Variants in AKIRIN1 observed in about 807,000 individuals in gnomAD.
AKIRIN1 encodes the protein akirin 1.
AKIRIN1 carries 4 observed loss-of-function variants against 25.9 expected under a neutral mutation model. The ratio of observed to expected loss-of-function variants is 0.15; its 90% CI spans 0.08 to 0.35. The LOEUF is 0.35. AKIRIN1 is among the 10% of genes least tolerant of loss of function. AKIRIN1 has a pLI of 1.00. For synonymous variants in AKIRIN1, 125 were observed against 105.1 expected (o/e 1.19, Z -1.16); for missense variants, 243 against 266.1 (o/e 0.91, Z 0.61).
intron 3 of AKIRIN1, 77 bp downstream of exon 3, chr1:39,001,183 AAG>A: frequency 1.3e-6 from 2 of 1,511,500 alleles, no homozygotes; most frequent in Non-Finnish European, 1.8e-6. Context: ...AACTTAGAAA[AAG>A]AGAGTAGGAC....
chr1:39,004,484 T>C lies in AKIRIN1; in HGVS notation c.*429T>C. The C allele has an allele frequency of 3.5e-6, 1 of 289,486 alleles. No homozygotes were observed. The highest frequency in any genetic ancestry group is 6.7e-6 in the Non-Finnish European group (1 of 148,764). The allele number at this position is 289,486 out of a possible 1,614,324, so 17.9% of individuals were successfully genotyped here. A position where few individuals can be genotyped will look rare whatever the true frequency, so the allele number is the denominator to read the frequency against. ...GATCTTGGGGATTCTGGCTGTGAAT[T>C]TGGTGCACGACAATTATGGTAAAAA... On this transcript the variant is annotated 3_prime_UTR_variant, in exon 5 of 5. Transcript: ENST00000432648.
chr1:39,003,282 T>G, intron 3 of AKIRIN1, 65 bp from the exon 4 acceptor site: 2 of 1,491,314 alleles, frequency 1.3e-6, no homozygotes, highest in Non-Finnish European at 1.9e-6. Context: ...TTTGTGATCC[T>G]GACGCTTGAT....
At chr1:39,002,399 A>G (rs949548315) in intron 3 of AKIRIN1, among the ~76,000 whole-genome samples, 2 of 152,180 alleles carry the variant, frequency 1.3e-5, no homozygotes, top group Non-Finnish European at 2.9e-5. Context: ...GAGTTCCTTT[A>G]TAGTAGAACT....
At chr1:39,001,280 G>A (rs192675700) in intron 3 of AKIRIN1, among the ~76,000 whole-genome samples, 174 bp downstream of exon 3, 27 of 145,570 alleles carry the variant, frequency 1.9e-4, no homozygotes, top group Admixed American at 1.6e-3. Context: ...TTATATGGAA[G>A]GACTTTTTTT....
chr1:39,000,354 T>C (rs1352522701), intron 2 of AKIRIN1, among the ~76,000 whole-genome samples: 1 of 150,794 alleles, frequency 6.6e-6, no homozygotes, highest in Non-Finnish European at 1.5e-5. Context: ...TCTTTTTTTT[T>C]TTTTTTTTGA....
intron 1 of AKIRIN1, among the ~76,000 whole-genome samples, chr1:38,995,987 T>C (rs1454916278): frequency 6.6e-6 from 1 of 152,126 alleles, no homozygotes; most frequent in Non-Finnish European, 1.5e-5. Context: ...TGAACTGAGA[T>C]TGTGCTATTG....
At chr1:38,997,590 T>C (rs959130485) in intron 1 of AKIRIN1, among the ~76,000 whole-genome samples, 52 of 152,236 alleles carry the variant, frequency 3.4e-4, no homozygotes, top group African/African-American at 1.2e-3. Flanking sequence ...TCTCCTGGGC[T>C]CAAGGGATCC....
At chr1:38,991,676 G>GT in intron 1 of AKIRIN1, 76 bp downstream of exon 1, 1 of 520,148 alleles carries the variant, frequency 1.9e-6, no homozygotes, top group Non-Finnish European at 2.6e-6. Flanking sequence ...GGGAGGGTTG[G>GT]GAATACCAGG....
At position 38,992,359 on chromosome 1, in the gene AKIRIN1, G is replaced by A. The variant is rs528011791; in HGVS notation, c.220+759G>A. On this transcript the variant is annotated intron_variant, in intron 1 of 4. Coordinates refer to ENST00000432648, the MANE Select transcript of AKIRIN1 (RefSeq NM_024595.3). Reference sequence around the variant, plus strand: ...GGCGTTACAGTAGACACCTCATAGCGCAGGAGTAGAGGGGAGGGTGCTTCA... The same window carrying A: ...GGCGTTACAGTAGACACCTCATAGCACAGGAGTAGAGGGGAGGGTGCTTCA... Among the ~76,000 whole-genome samples, 3 of 152,236 alleles carry A rather than the reference G, an allele frequency of 2.0e-5. No individual in the cohort carries two copies. In the East Asian group the frequency reaches 5.8e-4, roughly 29 times the overall value.
At chr1:39,000,072 C>A (rs1052232021) in intron 2 of AKIRIN1, among the ~76,000 whole-genome samples, 1 of 151,782 alleles carries the variant, frequency 6.6e-6, no homozygotes, top group African/African-American at 2.4e-5. Context: ...TTAGTAGAGG[C>A]GGGATTTCAC....
chr1:39,003,554 C>A, intron 4 of AKIRIN1, 136 bp downstream of exon 4: 1 of 762,136 alleles, frequency 1.3e-6, no homozygotes, highest in Non-Finnish European at 2.1e-6. Flanking sequence ...ATTAAATCCA[C>A]ACCAAAGCTT....
chr1:38,996,187 T>C (rs995452863), intron 1 of AKIRIN1, among the ~76,000 whole-genome samples: 24 of 151,660 alleles, frequency 1.6e-4, no homozygotes, highest in Non-Finnish European at 3.2e-4. Context: ...CTCCACCTCC[T>C]GGGTTGAAGC....
At chr1:38,994,016 G>A (rs1016354019) in intron 1 of AKIRIN1, among the ~76,000 whole-genome samples, 1 of 151,412 alleles carries the variant, frequency 6.6e-6, no homozygotes, top group Non-Finnish European at 1.5e-5. Context: ...ATTGCGGTAA[G>A]CCGAGATCCG....
At chr1:38,999,993 C>A (rs1423656639) in intron 2 of AKIRIN1, among the ~76,000 whole-genome samples, 1 of 152,142 alleles carries the variant, frequency 6.6e-6, no homozygotes, top group Non-Finnish European at 1.5e-5. Flanking sequence ...AGCAATTCTT[C>A]TGTCTCAGCC....
chr1:38,991,500 C>A lies in AKIRIN1; in HGVS notation c.120C>A (p.Pro40=), dbSNP rs1347937680. Residue 40 remains proline, a synonymous_variant, in exon 1 of 5, where the codon CCC becomes CCA. Transcript: ENST00000432648. Reference sequence around the variant, plus strand: ...CCGGCCCCACTCCGGGCCTCAGGCCCCCGGACGCCGAGCCGCCGCCGCCGT... The same window carrying A: ...CCGGCCCCACTCCGGGCCTCAGGCCACCGGACGCCGAGCCGCCGCCGCCGT... ...PLPGPTPGLR[P]PDAEPPPPFQ... 6 of 1,451,874 alleles carry A rather than the reference C, an allele frequency of 4.1e-6. No individual in the cohort carries two copies. The highest frequency in any genetic ancestry group is 5.4e-6 in the Non-Finnish European group (6 of 1,106,942). 89.9% of individuals were successfully genotyped at this position (1,451,874 alleles called of 1,614,324 possible).
Position 39,004,411 on chromosome 1 carries a change from G to T in AKIRIN1, c.*356G>T. 2.7e-6 allele frequency: 1 copy of T among 375,852 alleles called. No individual in the cohort carries two copies. The allele number at this position is 375,852 out of a possible 1,614,324, so 23.3% of individuals were successfully genotyped here. On this transcript the variant is annotated 3_prime_UTR_variant, in exon 5 of 5. Coordinates refer to ENST00000432648, the MANE Select transcript of AKIRIN1 (RefSeq NM_024595.3). ...CGTGTGAGAGTGTGTGTATATGTGT[G>T]TATGTGTATTTTAAGTTATTATTTG... is the stretch of plus-strand genomic sequence containing the variant.
At chr1:39,001,508 C>T (rs1643991574) in intron 3 of AKIRIN1, among the ~76,000 whole-genome samples, 2 of 151,990 alleles carry the variant, frequency 1.3e-5, no homozygotes, top group Admixed American at 1.3e-4. Context: ...TCAGGTGATC[C>T]GCCCACCTTG....
intron 3 of AKIRIN1, 67 bp from the exon 4 acceptor site, chr1:39,003,280 C>A (rs1412398110): frequency 1.4e-6 from 2 of 1,474,892 alleles, no homozygotes; most frequent in East Asian, 2.3e-5. Flanking sequence ...TATTTGTGAT[C>A]CTGACGCTTG....
chr1:38,991,361 GT>G lies in AKIRIN1; in HGVS notation c.-19del, dbSNP rs1643903502. ...GCACTTACCGCCGCGTCCGCTCCCG[GT>G]CCCTGGCCCCTCAGCGGCATGGCGT... On this transcript the variant is annotated 5_prime_UTR_variant, in exon 1 of 5. Coordinates refer to ENST00000432648, the MANE Select transcript of AKIRIN1 (RefSeq NM_024595.3). The G allele has an allele frequency of 1.3e-5, 18 of 1,339,648 alleles. No homozygotes were observed. The highest frequency in any genetic ancestry group is 1.7e-5 in the Non-Finnish European group (18 of 1,047,976). 83.0% of individuals were successfully genotyped at this position (1,339,648 alleles called of 1,614,324 possible).
Sources: allele counts gnomAD v4.1 joint callset (sites outside exome capture counted in the v4.1 genomes callset), GRCh38; gene constraint gnomAD v4.1.1; transcripts MANE v1.5; gene names NCBI Gene and HGNC (gene_info 2026-07-23, HGNC 2026-07-21).